Variants in LUZP1 observed in about 807,000 individuals in gnomAD.
LUZP1 encodes leucine zipper protein 1, also known as filamin mechanobinding actin cross-linking protein.
In LUZP1, 25 loss-of-function variants were observed where a neutral mutation model predicts 71.3. That is an observed-to-expected ratio of 0.35 (90% CI 0.26 to 0.49). The LOEUF is 0.49. Ranked by LOEUF, LUZP1 falls within the 20% of genes least tolerant of loss-of-function variation. The pLI is 0.99. For missense variants in LUZP1, 1,142 were observed against 1,300.8 expected (o/e 0.88, Z 1.88); for synonymous variants, 481 against 506.4 (o/e 0.95, Z 0.67).
At chr1:23,085,711 G>A (rs1643755442) in exon 5 of LUZP1, 1 of 152,324 alleles carries the variant, frequency 6.6e-6, no homozygotes, top group African/African-American at 2.4e-5. Flanking sequence ...GCCTACAGCT[G>A]AGGGTGGGGT....
intron 4 of LUZP1, among the ~76,000 whole-genome samples, chr1:23,089,376 A>G (rs926586934): frequency 1.3e-5 from 2 of 152,080 alleles, no homozygotes; most frequent in East Asian, 1.9e-4. Flanking sequence ...AGGGGCCAGC[A>G]GTCTCCGAGT....
At chr1:23,098,021 T>C (rs1050216855) in intron 3 of LUZP1, among the ~76,000 whole-genome samples, 1 of 152,182 alleles carries the variant, frequency 6.6e-6, no homozygotes, top group Non-Finnish European at 1.5e-5. Context: ...AGATGTATAT[T>C]AGATGTATAA....
chr1:23,139,517 G>C (rs1001318175), intron 2 of LUZP1, among the ~76,000 whole-genome samples: 2 of 152,120 alleles, frequency 1.3e-5, no homozygotes, highest in East Asian at 1.9e-4. Context: ...TCAATGTGAA[G>C]ATGACAAGGA....
chr1:23,170,072 T>C (rs1217190859), intron 1 of LUZP1, among the ~76,000 whole-genome samples: 1 of 152,176 alleles, frequency 6.6e-6, no homozygotes, highest in African/African-American at 2.4e-5. Flanking sequence ...GCTCTTCCCC[T>C]GCTGTCTCAC....
chr1:23,160,316 T>C (rs1238140721), intron 2 of LUZP1, among the ~76,000 whole-genome samples: 2 of 152,160 alleles, frequency 1.3e-5, no homozygotes, highest in African/African-American at 2.4e-5. Context: ...GACATCAAAA[T>C]AAAATGTTAG....
chr1:23,145,948 T>C (rs1263874958), intron 2 of LUZP1, among the ~76,000 whole-genome samples: 2 of 152,244 alleles, frequency 1.3e-5, no homozygotes, highest in African/African-American at 2.4e-5. Flanking sequence ...AGAATATTAC[T>C]ACACATGGAT....
rs565195016 is a variant in LUZP1, at chr1:23,105,863, T to A, written c.-120+3159A>T. ...CAAGAAGCTCCAAAGCCAGGTAAAA[T>A]TTTTTTTTTTGTCTTGGGATCACAT... On this transcript the variant is annotated intron_variant, in intron 3 of 4. Transcript: ENST00000302291. Among the ~76,000 whole-genome samples, 301 of 148,342 alleles carry A rather than the reference T, an allele frequency of 2.0e-3. 1 individual carries two copies. The highest frequency in any genetic ancestry group is 2.8e-3 in the Non-Finnish European group (190 of 66,702).
chr1:23,106,830 CCA>C (rs1643986154), intron 3 of LUZP1, among the ~76,000 whole-genome samples: 2 of 152,184 alleles, frequency 1.3e-5, no homozygotes, highest in Non-Finnish European at 2.9e-5. Context: ...TCCCCACCCT[CCA>C]CAGTCTGTTC....
chr1:23,110,478 C>T (rs567332292), intron 2 of LUZP1, among the ~76,000 whole-genome samples: 3 of 152,158 alleles, frequency 2.0e-5, no homozygotes, highest in African/African-American at 7.2e-5. Context: ...ATCCTCCCTT[C>T]TTTCATCACA....
At chr1:23,143,316 A>G (rs1644319637) in intron 2 of LUZP1, among the ~76,000 whole-genome samples, 1 of 152,176 alleles carries the variant, frequency 6.6e-6, no homozygotes, top group Admixed American at 6.6e-5. Flanking sequence ...CGATGGTAAA[A>G]TTTAAGCTGA....
chr1:23,151,173 T>C (rs1187368200), intron 2 of LUZP1, among the ~76,000 whole-genome samples: 2 of 152,230 alleles, frequency 1.3e-5, no homozygotes, highest in East Asian at 3.9e-4. Context: ...ACCTCCCAAG[T>C]AGCTGGGATT....
At chr1:23,177,875 G>A (rs1442814966), upstream of LUZP1, 1 of 152,394 alleles carries the variant, frequency 6.6e-6, no homozygotes, top group Non-Finnish European at 1.5e-5. Flanking sequence ...GGCCGGGGAG[G>A]AGGGACGGCG....
At chr1:23,087,613 G>A (rs1643786330) in exon 5 of LUZP1, 1 of 152,600 alleles carries the variant, frequency 6.6e-6, no homozygotes, top group Non-Finnish European at 1.5e-5. Flanking sequence ...CTTTGAAAGA[G>A]GATCCCTTCT....
chr1:23,123,492 C>CAAAAAAAAA (rs10716851), intron 2 of LUZP1, among the ~76,000 whole-genome samples: 2 of 106,906 alleles, frequency 1.9e-5, no homozygotes, highest in Non-Finnish European at 2.0e-5. Context: ...ACTTTGTCTC[C>CAAAAAAAAA]AAAAAAAAAA....
intron 2 of LUZP1, among the ~76,000 whole-genome samples, chr1:23,155,426 G>A (rs1429805860): frequency 3.3e-5 from 5 of 152,138 alleles, no homozygotes; most frequent in Non-Finnish European, 7.4e-5. Flanking sequence ...ATCCTAGCTT[G>A]GCACTGACCT....
intron 2 of LUZP1, among the ~76,000 whole-genome samples, chr1:23,123,424 G>A (rs561842041): frequency 1.3e-4 from 20 of 151,496 alleles, no homozygotes; most frequent in Non-Finnish European, 2.5e-4. Context: ...CCCGGGAGGC[G>A]GAGGTTGCAG....
intron 2 of LUZP1, chr1:23,164,075 A>C (rs1367861079): frequency 6.6e-6 from 1 of 152,136 alleles, no homozygotes; most frequent in African/African-American, 2.4e-5. Context: ...GGGTTATTTT[A>C]ATTATTATTT....
intron 2 of LUZP1, among the ~76,000 whole-genome samples, chr1:23,138,145 TTG>T (rs1374429962): frequency 1.3e-5 from 2 of 152,088 alleles, no homozygotes; most frequent in Non-Finnish European, 2.9e-5. Flanking sequence ...TAATTTTTTT[TTG>T]TATTTTAGTA....
At chr1:23,147,099 A>AAAAAATAAT in intron 2 of LUZP1, among the ~76,000 whole-genome samples, 1 of 144,528 alleles carries the variant, frequency 6.9e-6, no homozygotes, top group East Asian at 2.1e-4. Context: ...TCCGTCTCAA[A>AAAAAATAAT]AATAATAATA....
Sources: allele counts gnomAD v4.1 joint callset (sites outside exome capture counted in the v4.1 genomes callset), GRCh38; gene constraint gnomAD v4.1.1; transcripts MANE v1.5; gene names NCBI Gene and HGNC (gene_info 2026-07-23, HGNC 2026-07-21).